Variants in CRPPA observed in about 807,000 individuals in gnomAD.
The protein encoded by CRPPA is D-ribitol-5-phosphate cytidylyltransferase.
A neutral mutation model predicts 52.0 loss-of-function variants in CRPPA; 43 were observed. That is an observed-to-expected ratio of 0.83 (90% CI 0.65 to 1.07). CRPPA has a LOEUF of 1.07. Ranked by LOEUF, CRPPA falls within the 50% of genes least tolerant of loss-of-function variation. CRPPA has a pLI of 0.00. For synonymous variants in CRPPA, 250 were observed against 203.5 expected, an observed-to-expected ratio of 1.23 and a Z score of -1.94; for missense variants, 629 against 551.7, an observed-to-expected ratio of 1.14 and a Z score of -1.40.
At chr7:16,241,942 T>C (rs796505075) in intron 8 of CRPPA, among the ~76,000 whole-genome samples, 144 of 137,036 alleles carry the variant, frequency 1.1e-3, no homozygotes, top group African/African-American at 3.5e-3. Context: ...GTTAAAAATC[T>C]ATTCTTTTTT....
chr7:16,217,643 T>C (rs1782367604), intron 8 of CRPPA, among the ~76,000 whole-genome samples: 2 of 146,106 alleles, frequency 1.4e-5, no homozygotes, highest in East Asian at 4.0e-4. Flanking sequence ...ACGTGAAGAA[T>C]GCAGAAGCCT....
At chr7:16,313,951 T>C (rs1785090075) in intron 3 of CRPPA, among the ~76,000 whole-genome samples, 1 of 152,006 alleles carries the variant, frequency 6.6e-6, no homozygotes, top group African/African-American at 2.4e-5. Flanking sequence ...ATGTTCCATA[T>C]GAGCATGAGA....
At chr7:16,322,150 C>G (rs998371872) in intron 3 of CRPPA, among the ~76,000 whole-genome samples, 8 of 152,000 alleles carry the variant, frequency 5.3e-5, no homozygotes, top group African/African-American at 1.9e-4. Context: ...TATATTACCC[C>G]TCAAAAATGA....
chr7:16,192,736 C>T (rs1488934941), intron 9 of CRPPA, among the ~76,000 whole-genome samples: 1 of 152,086 alleles, frequency 6.6e-6, no homozygotes. Flanking sequence ...CTTGAGTTTA[C>T]TTTTGCATTA....
rs369749435 is a variant in CRPPA, at chr7:16,115,566, C to A, written c.1252-23767G>T. Among the ~76,000 whole-genome samples, 35 of 152,262 alleles carry A rather than the reference C, an allele frequency of 2.3e-4. No homozygotes were observed. The South Asian group carries it at 6.8e-3, about 30-fold the overall frequency. On this transcript the variant is annotated intron_variant, in intron 9 of 9. Coordinates refer to ENST00000407010, the MANE Select transcript of CRPPA (RefSeq NM_001101426.4). ...ATTGTGACATGCAAGGTGCAATGAG[C>A]ACCCTTAGTGCTCAGGATCTTGGTT...
At chr7:16,164,261 T>C (rs547786061) in intron 9 of CRPPA, among the ~76,000 whole-genome samples, 5 of 152,326 alleles carry the variant, frequency 3.3e-5, no homozygotes, top group Non-Finnish European at 7.3e-5. Flanking sequence ...ATTAAGTTGA[T>C]CTTCAGTCTC....
chr7:16,184,101 C>A (rs1353349786), intron 9 of CRPPA, among the ~76,000 whole-genome samples: 1 of 151,920 alleles, frequency 6.6e-6, no homozygotes, highest in African/African-American at 2.4e-5. Flanking sequence ...ACCACCACGC[C>A]CCGCTAATTT....
chr7:16,366,884 T>C (rs1003643527), intron 3 of CRPPA, among the ~76,000 whole-genome samples: 8 of 151,946 alleles, frequency 5.3e-5, no homozygotes, highest in African/African-American at 1.9e-4. Flanking sequence ...ACCAAGATTG[T>C]CAATTTACTT....
chr7:16,099,315 A>C (rs531882628), intron 9 of CRPPA, among the ~76,000 whole-genome samples: 1 of 149,570 alleles, frequency 6.7e-6, no homozygotes, highest in South Asian at 2.2e-4. Flanking sequence ...AAAGGGAAGG[A>C]AAAAACAAAG....
intron 9 of CRPPA, among the ~76,000 whole-genome samples, chr7:16,154,262 G>C (rs1463995467): frequency 6.6e-6 from 1 of 152,022 alleles, no homozygotes; most frequent in African/African-American, 2.4e-5. Flanking sequence ...CACATGGGCA[G>C]AGCGTGCAGG....
At chr7:16,215,973 A>G (rs1782293111) in intron 9 of CRPPA, 93 bp downstream of exon 9, 2 of 991,568 alleles carry the variant, frequency 2.0e-6, no homozygotes, top group South Asian at 3.7e-5. Flanking sequence ...AATTTCACTT[A>G]TCAATAATAT....
intron 9 of CRPPA, among the ~76,000 whole-genome samples, chr7:16,096,903 G>A (rs1287570019): frequency 6.6e-6 from 1 of 152,122 alleles, no homozygotes; most frequent in Non-Finnish European, 1.5e-5. Context: ...ATGGCTTTAT[G>A]ACAATATTAT....
intron 5 of CRPPA, among the ~76,000 whole-genome samples, chr7:16,285,861 C>T (rs1784415420): frequency 6.7e-6 from 1 of 149,684 alleles, no homozygotes; most frequent in Non-Finnish European, 1.5e-5. Flanking sequence ...TTCCACTAAA[C>T]ATACAAAAAA....
intron 8 of CRPPA, among the ~76,000 whole-genome samples, chr7:16,256,723 T>G (rs1047389881): frequency 6.6e-6 from 1 of 151,594 alleles, no homozygotes; most frequent in African/African-American, 2.4e-5. Context: ...TGAGAACACA[T>G]GGACACAAGG....
intron 9 of CRPPA, among the ~76,000 whole-genome samples, chr7:16,186,514 A>T (rs2128389152): frequency 6.6e-6 from 1 of 152,306 alleles, no homozygotes; most frequent in East Asian, 1.9e-4. Flanking sequence ...AAGCCACCTA[A>T]TCTATGGAAA....
chr7:16,311,151 T>C (rs944309490), intron 3 of CRPPA, among the ~76,000 whole-genome samples: 2 of 152,140 alleles, frequency 1.3e-5, no homozygotes, highest in Non-Finnish European at 2.9e-5. Context: ...GTGGTATGTG[T>C]ATTAGCATCA....
chr7:16,217,861 A>G (rs575735608), intron 8 of CRPPA, among the ~76,000 whole-genome samples: 1 of 151,886 alleles, frequency 6.6e-6, no homozygotes, highest in South Asian at 2.1e-4. Flanking sequence ...AGTTGGAAAA[A>G]ACTCTGCAGG....
chr7:16,265,972 G>T (rs1335045423), intron 6 of CRPPA, among the ~76,000 whole-genome samples: 2 of 152,152 alleles, frequency 1.3e-5, no homozygotes, highest in Non-Finnish European at 1.5e-5. Flanking sequence ...AAGCACACTG[G>T]ACATCAGTGT....
chr7:16,276,015 G>A (rs993740487), intron 6 of CRPPA, among the ~76,000 whole-genome samples: 1 of 151,852 alleles, frequency 6.6e-6, no homozygotes, highest in African/African-American at 2.4e-5. Context: ...ATAAAAGTCA[G>A]ACTTGGAATA....
Sources: allele counts gnomAD v4.1 joint callset (sites outside exome capture counted in the v4.1 genomes callset), GRCh38; gene constraint gnomAD v4.1.1; transcripts MANE v1.5; gene names NCBI Gene and HGNC (gene_info 2026-07-23, HGNC 2026-07-21).